COL27A1: variants seen among roughly 807,000 people sequenced by gnomAD.
COL27A1 encodes the protein collagen alpha-1(XXVII) chain.
Under a neutral mutation model 251.3 loss-of-function variants are expected in COL27A1, and 106 were observed. The ratio of observed to expected loss-of-function variants is 0.42; its 90% CI spans 0.36 to 0.50. COL27A1 has a LOEUF of 0.50. Ranked by LOEUF, COL27A1 falls within the 20% of genes least tolerant of loss-of-function variation. COL27A1 has a pLI of 0.00. For missense variants in COL27A1, 2,325 were observed against 2,522.8 expected (o/e 0.92, Z 1.68); for synonymous variants, 1,000 against 986.3 (o/e 1.01, Z -0.26).
intron 28 of COL27A1, among the ~76,000 whole-genome samples, chr9:114,262,802 T>G (rs1358684905): frequency 3.3e-5 from 5 of 152,236 alleles, no homozygotes; most frequent in Admixed American, 6.5e-5. Flanking sequence ...GGTGGCTCCC[T>G]GTTCCAGGAT....
chr9:114,295,452 T>C (rs1265654473), intron 49 of COL27A1, among the ~76,000 whole-genome samples: 1 of 152,168 alleles, frequency 6.6e-6, no homozygotes, highest in East Asian at 1.9e-4. Context: ...AATATACATA[T>C]GAAATATAAA....
chr9:114,269,650 GT>G (rs1834995799), intron 35 of COL27A1, among the ~76,000 whole-genome samples: 2 of 146,022 alleles, frequency 1.4e-5, no homozygotes, highest in Non-Finnish European at 3.0e-5. Context: ...GAAGAAGGAT[GT>G]TGAGGTTCAG....
chr9:114,174,134 T>C (rs931950965), intron 3 of COL27A1, among the ~76,000 whole-genome samples: 12 of 152,082 alleles, frequency 7.9e-5, no homozygotes, highest in African/African-American at 2.9e-4. Flanking sequence ...TGTGCCACCA[T>C]GCCTGGCTAA....
At chr9:114,217,712 G>A (rs928326998) in intron 12 of COL27A1, 3 of 463,906 alleles carry the variant, frequency 6.5e-6, no homozygotes, top group South Asian at 1.6e-5. Flanking sequence ...GAGTCAGCCA[G>A]GTGCCCAGCC....
intron 1 of COL27A1, among the ~76,000 whole-genome samples, chr9:114,159,197 T>C (rs565624890): frequency 2.7e-4 from 41 of 152,302 alleles, no homozygotes; most frequent in African/African-American, 9.9e-4. Flanking sequence ...GTTAGGAAGC[T>C]TAATTGAAGA....
At chr9:114,186,894 AG>A (rs1273463869) in intron 5 of COL27A1, among the ~76,000 whole-genome samples, 3 of 152,280 alleles carry the variant, frequency 2.0e-5, no homozygotes, top group African/African-American at 7.2e-5. Context: ...GGTGCAAATG[AG>A]GAGCTCTAGG....
In COL27A1 at chr9:114,209,729, G is replaced by A; in HGVS notation, c.2322+1G>A. The A allele has an allele frequency of 1.2e-6, 2 of 1,614,140 alleles. No homozygotes were observed. The highest frequency in any genetic ancestry group is 1.7e-6 in the Non-Finnish European group (2 of 1,179,970). Reference sequence around the variant, plus strand: ...CCTGCCAGGGTCTGATGGAGAACGAGTAAGTTTGCTTCTTTGGTTATTCAC... The same window carrying A: ...CCTGCCAGGGTCTGATGGAGAACGAATAAGTTTGCTTCTTTGGTTATTCAC... On this transcript the variant is annotated splice_donor_variant, in intron 11 of 60. Transcript: ENST00000356083. LOFTEE classifies it high-confidence loss of function.
chr9:114,202,348 C>G (rs1424215885), intron 7 of COL27A1, among the ~76,000 whole-genome samples: 1 of 152,144 alleles, frequency 6.6e-6, no homozygotes, highest in Non-Finnish European at 1.5e-5. Flanking sequence ...GGGTTCTTGC[C>G]CTGTTACTCC....
In COL27A1 at chr9:114,181,464, CAG is replaced by C. The variant is rs767157649; in HGVS notation, c.1963-1553_1963-1552del. Among the ~76,000 whole-genome samples, 4 of 152,094 alleles carry C rather than the reference CAG, an allele frequency of 2.6e-5. No homozygotes were observed. The East Asian group carries it at 7.7e-4, about 29-fold the overall frequency. ...CAGGCTGCAGCTGGGAAGCTGGCCTCAGAGAGGGAAGAAGAAAGCAGTTCACA... is the reference window on the plus strand; with the variant it reads ...CAGGCTGCAGCTGGGAAGCTGGCCTCAGAGGGAAGAAGAAAGCAGTTCACA... On this transcript the variant is annotated intron_variant, in intron 4 of 60. Coordinates refer to ENST00000356083, the MANE Select transcript of COL27A1 (RefSeq NM_032888.4).
intron 49 of COL27A1, among the ~76,000 whole-genome samples, 194 bp downstream of exon 49, chr9:114,292,404 G>A (rs1015598279): frequency 9.2e-5 from 14 of 152,260 alleles, no homozygotes; most frequent in African/African-American, 3.1e-4. Context: ...ACCAGGTGGT[G>A]GGGGAGGCTG....
At chr9:114,257,841 A>G (rs1413015926) in intron 27 of COL27A1, among the ~76,000 whole-genome samples, 2 of 152,192 alleles carry the variant, frequency 1.3e-5, no homozygotes, top group African/African-American at 4.8e-5. Context: ...TTGGGTCACC[A>G]GATTCTCCTT....
chr9:114,182,020 C>T (rs990467663), intron 4 of COL27A1, among the ~76,000 whole-genome samples: 1 of 151,952 alleles, frequency 6.6e-6, no homozygotes, highest in South Asian at 2.1e-4. Flanking sequence ...CCTTCTTGAG[C>T]TCTCAACTCC....
chr9:114,165,685 T>TCCATCC (rs1362100877), intron 2 of COL27A1, among the ~76,000 whole-genome samples: 12 of 98,670 alleles, frequency 1.2e-4, no homozygotes, highest in African/African-American at 4.7e-4. Context: ...TCCATCCATC[T>TCCATCC]ACCCTTTCAT....
At chr9:114,184,506 C>T (rs1007676926) in intron 5 of COL27A1, among the ~76,000 whole-genome samples, 15 of 152,316 alleles carry the variant, frequency 9.8e-5, no homozygotes, top group African/African-American at 2.9e-4. Flanking sequence ...TGTGACTCTA[C>T]GTCCAGGGTT....
intron 1 of COL27A1, among the ~76,000 whole-genome samples, chr9:114,160,451 G>A (rs1436444804): frequency 2.6e-5 from 4 of 151,998 alleles, no homozygotes; most frequent in Non-Finnish European, 4.4e-5. Context: ...CACCGTGCCC[G>A]GCCGTTTTTT....
rs753982463 is a variant in COL27A1, at chr9:114,168,727, C to T, written c.1172C>T (p.Thr391Ile). 19 of 1,613,936 alleles carry T rather than the reference C, an allele frequency of 1.2e-5. No homozygotes were observed. The highest frequency in any genetic ancestry group is 1.4e-5 in the Non-Finnish European group (17 of 1,180,048). The change falls in exon 3 of 61, where the codon ACA becomes ATA. Residue 391 changes from threonine to isoleucine, a missense_variant. Thr to Ile is a moderately conservative substitution (Grantham distance 89). Around this residue, in one of 4 missense-constraint regions of COL27A1, gnomAD observed 1,183 missense variants for 1,144.1 expected, o/e 1.03. Transcript: ENST00000356083. ...AAAAGCCCCCATCCTACCCAGAAAA[C>T]AGCTCCATCTTCATTTACAAAGTCA... ...PIKSPHPTQKTAPSSFTKSAL... is the reference protein window; with the variant it reads ...PIKSPHPTQKIAPSSFTKSAL...
At chr9:114,195,294 T>C (rs1046624239) in intron 6 of COL27A1, among the ~76,000 whole-genome samples, 6 of 152,186 alleles carry the variant, frequency 3.9e-5, no homozygotes, top group Non-Finnish European at 8.8e-5. Flanking sequence ...CACTGCTAGG[T>C]GTTTGCACTT....
At chr9:114,225,387 T>G (rs563490924) in intron 14 of COL27A1, among the ~76,000 whole-genome samples, 2 of 152,358 alleles carry the variant, frequency 1.3e-5, no homozygotes, top group Admixed American at 6.5e-5. Flanking sequence ...TGTCTTTTTT[T>G]GGCCACTTTC....
upstream of COL27A1, chr9:114,155,424 G>A: frequency 6.6e-6 from 1 of 152,448 alleles, no homozygotes; most frequent in Non-Finnish European, 1.5e-5. The surrounding 1 kb of genome is among the most constrained non-coding windows in gnomAD (Gnocchi z 5.5). Flanking sequence ...CTTGGCTCCG[G>A]CCGGCAGGGG....
Sources: gnomAD v4.1 joint callset for allele counts (sites outside exome capture counted in the v4.1 genomes callset) on GRCh38, gnomAD v4.1.1 for gene constraint, gnomAD v4.1.1 regional missense constraint, Gnocchi (gnomAD v3.1) non-coding constraint, MANE v1.5 for transcripts, NCBI Gene and HGNC (gene_info 2026-07-23, HGNC 2026-07-21) for gene names.